Variants in AKAP7 observed in about 807,000 individuals in gnomAD.
The protein encoded by AKAP7 is A kinase (PRKA) anchor protein 7.
AKAP7 carries 39 observed loss-of-function variants against 39.5 expected under a neutral mutation model. That is an observed-to-expected ratio of 0.99 (90% CI 0.76 to 1.29). AKAP7 has a LOEUF of 1.29. Ranked by LOEUF, AKAP7 falls within the 50% of genes most tolerant of loss-of-function variation. The probability of loss-of-function intolerance (pLI) is 0.00; values close to 1 mark genes in which losing one functional copy is unlikely to be tolerated. For missense variants in AKAP7, 414 were observed against 407.7 expected (o/e 1.02, Z -0.13); for synonymous variants, 140 against 139.1 (o/e 1.01, Z -0.05).
At chr6:131,216,672 C>T (rs577142618) in intron 6 of AKAP7, among the ~76,000 whole-genome samples, 7 of 152,268 alleles carry the variant, frequency 4.6e-5, no homozygotes, top group African/African-American at 1.2e-4. Context: ...TTCTGTTTGA[C>T]GTTTCTTACC....
chr6:131,234,788 A>C (rs2128308162), intron 7 of AKAP7, among the ~76,000 whole-genome samples: 1 of 151,212 alleles, frequency 6.6e-6, no homozygotes, highest in Non-Finnish European at 1.5e-5. Flanking sequence ...TAAGACCATA[A>C]ATTCCATTAC....
chr6:131,199,597 G>A, intron 6 of AKAP7, 24 bp downstream of exon 6: 4 of 1,538,254 alleles, frequency 2.6e-6, no homozygotes, highest in East Asian at 2.3e-5. Flanking sequence ...CTTATTGCAA[G>A]CCTGTTTTAC....
chr6:131,128,927 A>T, the AKAP7 span, among the ~76,000 whole-genome samples: 1 of 152,162 alleles, frequency 6.6e-6, no homozygotes, highest in Non-Finnish European at 1.5e-5. Context: ...ATGAATTTAA[A>T]TGAGGTTGAA....
chr6:131,258,635 A>G (rs1252371560), intron 7 of AKAP7, among the ~76,000 whole-genome samples: 1 of 152,236 alleles, frequency 6.6e-6, no homozygotes, highest in East Asian at 1.9e-4. Flanking sequence ...TGCATGGTAA[A>G]GTTCTTTGCC....
chr6:131,165,286 A>G, intron 4 of AKAP7, 69 bp downstream of exon 4: 1 of 1,142,158 alleles, frequency 8.8e-7, no homozygotes, highest in Admixed American at 2.4e-5. Flanking sequence ...GCACAGCAGA[A>G]CCCAAAGAGA....
intron 6 of AKAP7, among the ~76,000 whole-genome samples, chr6:131,213,549 A>G (rs534839879): frequency 1.3e-5 from 2 of 152,256 alleles, no homozygotes; most frequent in African/African-American, 4.8e-5. Flanking sequence ...AGCTTGTTAC[A>G]TTCGAGTGAC....
intron 7 of AKAP7, among the ~76,000 whole-genome samples, chr6:131,238,958 A>G (rs1811303821): frequency 6.6e-6 from 1 of 152,170 alleles, no homozygotes; most frequent in African/African-American, 2.4e-5. Context: ...TTATGATGCT[A>G]GCTGGTTATT....
Position 131,135,739 on chromosome 6 carries a change from C to T in AKAP7, c.-25C>T. On this transcript the variant is annotated 5_prime_UTR_variant, in exon 1 of 8. The change creates a new upstream start codon in the 5' untranslated region. Coordinates refer to ENST00000431975, the MANE Select transcript of AKAP7 (RefSeq NM_016377.4). ...CCACCGCCGCTGCCGCCAGCCCAGA[C>T]GCGCCGCCCGCATGCGCCGCGACCA... is the stretch of plus-strand genomic sequence containing the variant. 3 of 1,219,040 alleles carry T rather than the reference C, an allele frequency of 2.5e-6. No individual in the cohort carries two copies. The highest frequency in any genetic ancestry group is 3.3e-5 in the East Asian group (1 of 30,240). The allele number at this position is 1,219,040 out of a possible 1,614,324, so 75.5% of individuals were successfully genotyped here.
Position 131,173,132 on chromosome 6 carries a change from C to T in AKAP7, c.589+3859C>T, listed in dbSNP as rs373373598. Among the ~76,000 whole-genome samples the T allele has an allele frequency of 3.2e-4, 47 of 146,868 alleles. No homozygotes were observed. In the East Asian group the frequency reaches 6.1e-3, roughly 19 times the overall value. On this transcript the variant is annotated intron_variant, in intron 5 of 7. Transcript: ENST00000431975. ...AGGAGAATCACTTGAACCCGGGAGG[C>T]GGAGGTTGCAGTGAGCCGAGATCGT... is the stretch of plus-strand genomic sequence containing the variant.
Position 131,145,341 on chromosome 6 carries a change from G to T in AKAP7, c.76G>T (p.Glu26Ter). 1.9e-6 allele frequency: 3 copies of T among 1,567,836 alleles called. No individual in the cohort carries two copies. The highest frequency in any genetic ancestry group is 1.4e-5 in the African/African-American group (1 of 73,874). The change falls in exon 2 of 8, where the codon GAA becomes TAA. Residue 26 changes from glutamate (E) to a stop codon, truncating the protein, a stop_gained. Coordinates refer to ENST00000431975, the MANE Select transcript of AKAP7 (RefSeq NM_016377.4). LOFTEE classifies it high-confidence loss of function. ...ATCAAGAAAAAAGAAAATGTCAGAG[G>T]AATTTGAAGCCAATACTATGGATTC... is the stretch of plus-strand genomic sequence containing the variant. Reference protein sequence around the residue: ...NVSRKKKMSEEFEANTMDSLV... With the variant: ...NVSRKKKMSE
At chr6:131,270,047 C>T (rs1814141213) in intron 7 of AKAP7, among the ~76,000 whole-genome samples, 1 of 152,116 alleles carries the variant, frequency 6.6e-6, no homozygotes, top group Non-Finnish European at 1.5e-5. Flanking sequence ...TGAACTTGTC[C>T]CTCATCATGG....
intron 2 of AKAP7, among the ~76,000 whole-genome samples, chr6:131,151,932 C>T (rs1014400723): frequency 2.0e-5 from 3 of 152,146 alleles, no homozygotes; most frequent in Non-Finnish European, 2.9e-5. Flanking sequence ...CCCACTATAA[C>T]GGATGGATGA....
Position 131,281,621 on chromosome 6 carries a change from G to A in AKAP7, c.942G>A (p.Gln314=), listed in dbSNP as rs768932731. The A allele has an allele frequency of 1.9e-6, 3 of 1,613,586 alleles. No homozygotes were observed. The highest frequency in any genetic ancestry group is 8.5e-7 in the Non-Finnish European group (1 of 1,179,802). Residue 314 remains glutamine (Q), a synonymous_variant, in exon 8 of 8, where the codon CAG becomes CAA. Coordinates refer to ENST00000431975, the MANE Select transcript of AKAP7 (RefSeq NM_016377.4). The surrounding 1 kb of genome is among the most constrained non-coding windows in gnomAD (Gnocchi z 4.0). ...ACGCGGTGCTCAAGGCTGTCCAGCA[G>A]TATCTGGAGGAAACACAGAATAAAA... ...VENAVLKAVQ[Q]YLEETQNKNK...
At chr6:131,146,196 A>C (rs1714173036) in intron 2 of AKAP7, among the ~76,000 whole-genome samples, 1 of 152,216 alleles carries the variant, frequency 6.6e-6, no homozygotes, top group African/African-American at 2.4e-5. Context: ...AGAACAGGTC[A>C]ACTTTTAATT....
Position 131,135,646 on chromosome 6 carries a change from G to T in AKAP7, c.-118G>T. On this transcript the variant is annotated 5_prime_UTR_variant, in exon 1 of 8. Transcript: ENST00000431975. Reference sequence around the variant, plus strand: ...GGACCCCGCGCCGGCCCAGCGCACCGCCCTCAGGCCCCGAGCCCCGCCCTG... The same window carrying T: ...GGACCCCGCGCCGGCCCAGCGCACCTCCCTCAGGCCCCGAGCCCCGCCCTG... 3 of 921,852 alleles carry T rather than the reference G, an allele frequency of 3.3e-6. No homozygotes were observed. The highest frequency in any genetic ancestry group is 3.9e-6 in the Non-Finnish European group (3 of 764,610). 57.1% of individuals were successfully genotyped at this position (921,852 alleles called of 1,614,324 possible).
Position 131,282,011 on chromosome 6 carries a change from C to G in AKAP7, c.*285C>G. The G allele has an allele frequency of 1.7e-6, 2 of 1,161,014 alleles. No homozygotes were observed. 71.9% of individuals were successfully genotyped at this position (1,161,014 alleles called of 1,614,324 possible). A position where few individuals can be genotyped will look rare whatever the true frequency, so the allele number is the denominator to read the frequency against. On this transcript the variant is annotated 3_prime_UTR_variant, in exon 8 of 8. Transcript: ENST00000431975. ...GGAAAGGGAACTTTGGGTTATGCCT[C>G]CTGGACGCAAATTAAAGGCCGAGAA...
At chr6:131,128,340 C>A in the AKAP7 span, among the ~76,000 whole-genome samples, 1 of 152,030 alleles carries the variant, frequency 6.6e-6, no homozygotes, top group African/African-American at 2.4e-5. Flanking sequence ...GGTAAAATAA[C>A]AGCCATTTGA....
Position 131,156,728 on chromosome 6 carries a change from A to T in AKAP7, c.152-3331A>T, listed in dbSNP as rs899247932. 4.6e-5 allele frequency among the ~76,000 whole-genome samples: 7 copies of T among 152,136 alleles called. No individual in the cohort carries two copies. The East Asian group carries it at 1.3e-3, about 29-fold the overall frequency. The stretch of plus-strand genomic sequence containing the variant: ...ATAGAAGGTGCAAGTGGTCTAGATG[A>T]GTAAAAACAATGGAGAGTTTATAAA... On this transcript the variant is annotated intron_variant, in intron 2 of 7. Coordinates refer to ENST00000431975, the MANE Select transcript of AKAP7 (RefSeq NM_016377.4).
chr6:131,179,276 T>G (rs1804882645), intron 5 of AKAP7, among the ~76,000 whole-genome samples: 1 of 152,054 alleles, frequency 6.6e-6, no homozygotes, highest in Non-Finnish European at 1.5e-5. Context: ...TGGGTTCAAG[T>G]GATTCTCCTG....
Sources: gnomAD v4.1 joint callset for allele counts (sites outside exome capture counted in the v4.1 genomes callset) on GRCh38, gnomAD v4.1.1 for gene constraint, Gnocchi (gnomAD v3.1) non-coding constraint, MANE v1.5 for transcripts, NCBI Gene and HGNC (gene_info 2026-07-23, HGNC 2026-07-21) for gene names.